Variants in CD8A observed in about 807,000 individuals in gnomAD.
CD8A encodes the protein T-cell surface glycoprotein CD8 alpha chain.
CD8A carries 25 observed loss-of-function variants against 24.2 expected under a neutral mutation model. That is an observed-to-expected ratio of 1.03 (90% CI 0.75 to 1.44). The LOEUF (loss-of-function observed/expected upper bound fraction) is 1.44, where lower values mean the gene tolerates loss of function less well. CD8A is among the 40% of genes most tolerant of loss of function. The pLI is 0.00. For missense variants in CD8A, 360 were observed against 319.7 expected (o/e 1.13, Z -0.96); for synonymous variants, 165 against 149.9 (o/e 1.10, Z -0.74).
chr2:86,790,205 G>C (rs1356635018), intron 2 of CD8A, 123 bp downstream of exon 2: 1 of 762,590 alleles, frequency 1.3e-6, no homozygotes, highest in South Asian at 1.5e-5. Flanking sequence ...TGTGAAATGG[G>C]AACAGTATCT....
chr2:86,807,187 T>C (rs1386940823), intron 2 of CD8A, among the ~76,000 whole-genome samples: 1 of 152,034 alleles, frequency 6.6e-6, no homozygotes, highest in African/African-American at 2.4e-5. Flanking sequence ...GCCAGCGTGC[T>C]GGCGCGGGTC....
intron 2 of CD8A, among the ~76,000 whole-genome samples, chr2:86,805,042 A>T (rs900647320): frequency 6.6e-6 from 1 of 151,866 alleles, no homozygotes; most frequent in African/African-American, 2.4e-5. Flanking sequence ...ACCTCAAGTG[A>T]TCCACCTGCC....
At position 86,790,317 on chromosome 2, in the gene CD8A, G is replaced by A. The variant is rs13017928; in HGVS notation, c.403+11C>T. On this transcript the variant is annotated intron_variant, in intron 2 of 5. Transcript: ENST00000283635. ...CCCACGCGGAGAGGTGCCGCAACCC[G>A]GCGCGCGGACCTGGCAGGAAGACCG... The A allele has an allele frequency of 0.022, 35,691 of 1,602,790 alleles. 467 individuals are homozygous for A. The highest frequency in any genetic ancestry group is 0.026 in the Non-Finnish European group (30,698 of 1,170,348).
rs1200297621 is a variant in CD8A at position 86,789,431 on chromosome 2, G to A, written c.517C>T (p.His173Tyr). 1.9e-6 allele frequency: 3 copies of A among 1,611,232 alleles called. No homozygotes were observed. The highest frequency in any genetic ancestry group is 3.3e-5 in the Admixed American group (2 of 60,010). ...CAGGCGAAGTCCAGCCCCCTCGTGT[G>A]CACTGACGACACCAAAGACGCCGAC... ...ACRPAAGGAVHTRGLDFACDI... is the reference protein window; with the variant it reads ...ACRPAAGGAVYTRGLDFACDI... The change falls in exon 4 of 6, where the codon CAC becomes TAC. Residue 173 changes from histidine (H) to tyrosine (Y), a missense_variant and splice_region_variant. His to Tyr is a moderately conservative substitution (Grantham distance 83). Coordinates refer to ENST00000283635, the MANE Select transcript of CD8A (RefSeq NM_001768.7).
In CD8A at chr2:86,785,711, A is replaced by AC. The variant is rs1558732849; in HGVS notation, c.*208dup. The AC allele has an allele frequency of 1.4e-6, 1 of 717,564 alleles. No homozygotes were observed. Among genetic ancestry groups the AC allele is most frequent in the Admixed American group, 2.0e-5 (1 of 50,968 alleles). The allele number at this position is 717,564 out of a possible 1,614,324, so 44.4% of individuals were successfully genotyped here. A position where few individuals can be genotyped will look rare whatever the true frequency, so the allele number is the denominator to read the frequency against. ...GCGATGTGCGCACAACAGTATTGTG[A>AC]CCCTTGTGGTGTACTGTAGATTTTA... On this transcript the variant is annotated 3_prime_UTR_variant, in exon 6 of 6. Transcript: ENST00000283635.
chr2:86,787,042 A>G (rs1255934938), intron 5 of CD8A, among the ~76,000 whole-genome samples: 1 of 114,248 alleles, frequency 8.8e-6, no homozygotes, highest in Non-Finnish European at 2.0e-5. Context: ...AAAAAAAAAG[A>G]AAAGAAAAGA....
At chr2:86,787,019 CAA>C (rs745778659) in intron 5 of CD8A, among the ~76,000 whole-genome samples, 127 of 36,540 alleles carry the variant, frequency 3.5e-3, no homozygotes, top group African/African-American at 0.013. Context: ...GACTCCGTCT[CAA>C]AAAAAAAAAA....
At chr2:86,806,185 C>A (rs1426902350) in intron 2 of CD8A, among the ~76,000 whole-genome samples, 1 of 152,092 alleles carries the variant, frequency 6.6e-6, no homozygotes, top group African/African-American at 2.4e-5. Context: ...GGTGGCAAGC[C>A]CCCCGTGTGA....
At chr2:86,801,224 T>C (rs1479135018) in intron 3 of CD8A, among the ~76,000 whole-genome samples, 1 of 152,218 alleles carries the variant, frequency 6.6e-6, no homozygotes, top group East Asian at 1.9e-4. Flanking sequence ...ATACAGCAAC[T>C]AATAGATCAT....
chr2:86,804,173 C>T (rs1325497472), intron 2 of CD8A, among the ~76,000 whole-genome samples: 2 of 151,992 alleles, frequency 1.3e-5, no homozygotes, highest in Non-Finnish European at 2.9e-5. Context: ...GTTGTATATA[C>T]CTTATATATA....
In CD8A at chr2:86,787,177, C is replaced by G. The variant is rs540070219; in HGVS notation, c.657-1206G>C. ...AGCTCACTGCAACCTCCGCCTCCCA[C>G]GTTCAAGCGATTCTCCTGCCTCAGC... On this transcript the variant is annotated intron_variant, in intron 5 of 5. Transcript: ENST00000283635. Among the ~76,000 whole-genome samples, 3 of 147,224 alleles carry G rather than the reference C, an allele frequency of 2.0e-5. No homozygotes were observed. The South Asian group carries it at 6.5e-4, about 32-fold the overall frequency.
intron 2 of CD8A, among the ~76,000 whole-genome samples, chr2:86,805,490 G>A (rs956637875): frequency 6.6e-6 from 1 of 152,116 alleles, no homozygotes; most frequent in African/African-American, 2.4e-5. Context: ...TGTTATTTCT[G>A]GTTTTGTCAG....
chr2:86,793,455 C>T (rs941618374), upstream of CD8A, among the ~76,000 whole-genome samples: 2 of 152,172 alleles, frequency 1.3e-5, no homozygotes, highest in African/African-American at 2.4e-5. Flanking sequence ...GGGTCCCTCG[C>T]TGTGTAGACA....
In CD8A at chr2:86,790,378, A is replaced by C. The variant is rs753216829; in HGVS notation, c.353T>G (p.Leu118Arg). The part of the protein sequence containing the change: ...ENEGYYFCSA[L>R]SNSIMYFSHF... ...GCTGAAGTACATGATGGAGTTGCTCAGGGCCGAGCAGAAATAGTAGCCCTC... is the reference window on the plus strand; with the variant it reads ...GCTGAAGTACATGATGGAGTTGCTCCGGGCCGAGCAGAAATAGTAGCCCTC... Residue 118 changes from leucine to arginine, a missense_variant, in exon 2 of 6, where the codon CTG (leucine) becomes CGG (arginine). Physicochemically the swap from Leu to Arg is moderately radical, Grantham distance 102. Coordinates refer to ENST00000283635, the MANE Select transcript of CD8A (RefSeq NM_001768.7). The C allele has an allele frequency of 6.2e-7, 1 of 1,613,912 alleles. No individual in the cohort carries two copies. The highest frequency in any genetic ancestry group is 8.5e-7 in the Non-Finnish European group (1 of 1,179,990).
At chr2:86,806,885 T>A (rs115789387) in intron 2 of CD8A, among the ~76,000 whole-genome samples, 186 of 152,160 alleles carry the variant, frequency 1.2e-3, no homozygotes, top group African/African-American at 4.2e-3. Context: ...AAAAAGAAAA[T>A]TTTCCACTAC....
At chr2:86,792,471 G>T (rs1044100432), upstream of CD8A, among the ~76,000 whole-genome samples, 2 of 152,066 alleles carry the variant, frequency 1.3e-5, no homozygotes, top group Admixed American at 6.6e-5. Context: ...AAACTTAAGT[G>T]TTGGATGGGT....
Position 86,785,651 on chromosome 2 carries a change from G to C in CD8A, c.*269C>G, listed in dbSNP as rs540585350. The C allele has an allele frequency of 7.6e-6, 5 of 653,976 alleles. No homozygotes were observed. Among genetic ancestry groups the C allele is most frequent in the South Asian group, 7.5e-5 (5 of 66,294 alleles). The allele number at this position is 653,976 out of a possible 1,614,324, so 40.5% of individuals were successfully genotyped here. ...CTCAGCATGATTCTGAGAACTCTGC[G>C]GGTAGCTCTGGCCTGCCCCTTTCCA... On this transcript the variant is annotated 3_prime_UTR_variant, in exon 6 of 6. Coordinates refer to ENST00000283635, the MANE Select transcript of CD8A (RefSeq NM_001768.7).
At position 86,803,628 on chromosome 2, in the gene CD8A, C is replaced by T. The variant is rs562563799; in HGVS notation, c.-417-1971G>A. ...GTGCAGTGGCGCAATTTTGGCTCAC[C>T]GCAACCTCTGCCTCCTGGGTTCAAG... On this transcript the variant is annotated intron_variant, in intron 2 of 8. Coordinates refer to the CD8A transcript ENST00000409511. Among the ~76,000 whole-genome samples the T allele has an allele frequency of 1.0e-3, 156 of 152,266 alleles. No homozygotes were observed. In the Middle Eastern group the frequency reaches 0.01, roughly 10 times the overall value.
In CD8A at chr2:86,785,894, A is replaced by T. The variant is rs1672979150; in HGVS notation, c.*26T>A. ...CTCAAAAGGAAGGATCTCAGTTTGA[A>T]GTAATGTAGTGGCTGTTGCACAGGG... On this transcript the variant is annotated 3_prime_UTR_variant, in exon 6 of 6. Transcript: ENST00000283635. 1 of 1,567,958 alleles carries T rather than the reference A, an allele frequency of 6.4e-7. No homozygotes were observed. Among genetic ancestry groups the T allele is most frequent in the East Asian group, 2.2e-5 (1 of 44,698 alleles).
Sources: gnomAD v4.1 joint callset for allele counts (sites outside exome capture counted in the v4.1 genomes callset) on GRCh38, gnomAD v4.1.1 for gene constraint, MANE v1.5 for transcripts, NCBI Gene and HGNC (gene_info 2026-07-23, HGNC 2026-07-21) for gene names.